The following TF variants were observed in gnomAD, a reference collection of about 807,000 sequenced individuals.
TF encodes transferrin, also known as serotransferrin.
Under a neutral mutation model 82.4 loss-of-function variants are expected in TF, and 55 were observed. The ratio of observed to expected loss-of-function variants is 0.67; its 90% CI spans 0.54 to 0.84. The LOEUF is 0.84. Ranked by LOEUF, TF falls within the 40% of genes least tolerant of loss-of-function variation. The probability of loss-of-function intolerance (pLI) is 0.00; values close to 1 mark genes in which losing one functional copy is unlikely to be tolerated. For synonymous variants in TF, 332 were observed against 332.6 expected (o/e 1.00, Z 0.02); for missense variants, 737 against 868.4 (o/e 0.85, Z 1.90).
At chr3:133,706,280 T>C in the TF span, among the ~76,000 whole-genome samples, 2 of 152,188 alleles carry the variant, frequency 1.3e-5, no homozygotes, top group African/African-American at 2.4e-5. Flanking sequence ...ATAATGAAGA[T>C]GAGGAGGAAA....
chr3:133,687,872 A>G, the TF span, among the ~76,000 whole-genome samples: 1 of 152,210 alleles, frequency 6.6e-6, no homozygotes, highest in African/African-American at 2.4e-5. Flanking sequence ...AGCTATTGTG[A>G]ATAGTGCTGC....
At chr3:133,729,684 T>A in the TF span, among the ~76,000 whole-genome samples, 1 of 152,080 alleles carries the variant, frequency 6.6e-6, no homozygotes, top group African/African-American at 2.4e-5. Context: ...ACCCACTGTC[T>A]GGCACTCCCT....
At chr3:133,681,907 GTGGGTCCC>G in the TF span, among the ~76,000 whole-genome samples, 5 of 152,192 alleles carry the variant, frequency 3.3e-5, no homozygotes, top group Non-Finnish European at 7.4e-5. Context: ...GCCTCCTCAA[GTGGGTCCC>G]TGACCCCCGA....
At chr3:133,672,534 T>C in the TF span, among the ~76,000 whole-genome samples, 1 of 151,844 alleles carries the variant, frequency 6.6e-6, no homozygotes, top group Non-Finnish European at 1.5e-5. Context: ...GTGGGGTTTA[T>C]TCCAGGAATG....
At chr3:133,765,389 G>A (rs181948929) in intron 11 of TF, among the ~76,000 whole-genome samples, 1 of 152,318 alleles carries the variant, frequency 6.6e-6, no homozygotes, top group East Asian at 1.9e-4. Context: ...AGCCAGGGCT[G>A]GGTCCAGGAA....
At chr3:133,773,876 GTC>G (rs1934319851) in intron 14 of TF, 1 of 152,120 alleles carries the variant, frequency 6.6e-6, no homozygotes, top group Admixed American at 6.5e-5. Flanking sequence ...TCCAGAGGCG[GTC>G]TCCTCTCTCC....
chr3:133,732,211 T>C, the TF span, among the ~76,000 whole-genome samples: 45 of 152,232 alleles, frequency 3.0e-4, no homozygotes, highest in Non-Finnish European at 5.6e-4. Flanking sequence ...AATAACTCTA[T>C]GAAGCAGGCA....
the TF span, among the ~76,000 whole-genome samples, chr3:133,723,669 T>A: frequency 6.7e-6 from 1 of 148,312 alleles, no homozygotes; most frequent in Non-Finnish European, 1.5e-5. Context: ...TTATTATTAT[T>A]ATTATACTTT....
At chr3:133,681,459 A>G in the TF span, among the ~76,000 whole-genome samples, 2 of 152,252 alleles carry the variant, frequency 1.3e-5, 1 homozygote, top group South Asian at 4.1e-4. Flanking sequence ...AGCCAAGGGA[A>G]GCCGTGACAG....
chr3:133,775,557 C>T lies in TF; in HGVS notation c.1812C>T (p.His604=), dbSNP rs72547215. ...ANCHLARAPN[H]AVVTRKDKEA... ...GCCACCTGGCCAGAGCCCCGAATCA[C>T]GCTGTGGTCACACGGAAAGATAAGG... is the stretch of plus-strand genomic sequence containing the variant. The change falls in exon 15 of 17, where the codon CAC becomes CAT. Residue 604 remains histidine, a synonymous_variant. Transcript: ENST00000402696. 74 of 1,614,076 alleles carry T rather than the reference C, an allele frequency of 4.6e-5. No homozygotes were observed. The highest frequency in any genetic ancestry group is 3.5e-4 in the South Asian group (32 of 91,082).
chr3:133,769,294 A>G (rs902044181), intron 13 of TF, among the ~76,000 whole-genome samples: 1 of 152,202 alleles, frequency 6.6e-6, no homozygotes, highest in Non-Finnish European at 1.5e-5. Context: ...CAAGTTTCTA[A>G]TTTCACAAAG....
At chr3:133,767,774 T>C (rs924125293) in intron 12 of TF, among the ~76,000 whole-genome samples, 1 of 152,210 alleles carries the variant, frequency 6.6e-6, no homozygotes, top group Non-Finnish European at 1.5e-5. Context: ...TTGTTTAGCG[T>C]AGTGATGACA....
At chr3:133,729,654 C>T in the TF span, among the ~76,000 whole-genome samples, 8 of 152,306 alleles carry the variant, frequency 5.3e-5, no homozygotes, top group South Asian at 6.2e-4. Context: ...GTGCACAGTG[C>T]GCTGCACCCA....
the TF span, among the ~76,000 whole-genome samples, chr3:133,684,456 G>T: frequency 6.6e-6 from 1 of 151,998 alleles, no homozygotes; most frequent in African/African-American, 2.4e-5. Context: ...TAGACCACTA[G>T]CAAGACTAAT....
chr3:133,743,959 C>T (rs946016589), upstream of TF, among the ~76,000 whole-genome samples: 1 of 152,244 alleles, frequency 6.6e-6, no homozygotes, highest in South Asian at 2.1e-4. Context: ...CTGCTGTTGT[C>T]CTCTTGAGCA....
the TF span, among the ~76,000 whole-genome samples, chr3:133,695,463 G>A: frequency 5.3e-5 from 8 of 152,204 alleles, no homozygotes; most frequent in East Asian, 1.5e-3. Context: ...GCCCAGAATG[G>A]TCTTGATCTC....
the TF span, among the ~76,000 whole-genome samples, chr3:133,734,347 G>A: frequency 6.6e-6 from 1 of 152,202 alleles, no homozygotes. Flanking sequence ...CCCAGAGCTG[G>A]TACAGGGAAG....
the TF span, among the ~76,000 whole-genome samples, chr3:133,707,189 G>GACACAC: frequency 1.3e-4 from 6 of 46,298 alleles, no homozygotes; most frequent in African/African-American, 5.7e-4. Flanking sequence ...TAACCTCAGA[G>GACACAC]TCACACACAC....
At chr3:133,765,886 A>T (rs1934115068) in intron 11 of TF, among the ~76,000 whole-genome samples, 1 of 152,136 alleles carries the variant, frequency 6.6e-6, no homozygotes, top group Non-Finnish European at 1.5e-5. Flanking sequence ...TCTTTTGCTT[A>T]TTGATCTTTT....
Sources: gnomAD v4.1 joint callset for allele counts (sites outside exome capture counted in the v4.1 genomes callset) on GRCh38, gnomAD v4.1.1 for gene constraint, MANE v1.5 for transcripts, NCBI Gene and HGNC (gene_info 2026-07-23, HGNC 2026-07-21) for gene names.